WIPI1: variants seen among roughly 807,000 people sequenced by gnomAD.
WIPI1 encodes the protein WD repeat domain phosphoinositide-interacting protein 1.
WIPI1 carries 45 observed loss-of-function variants against 55.3 expected under a neutral mutation model. That is an observed-to-expected ratio of 0.81 (90% CI 0.64 to 1.04). WIPI1 has a LOEUF of 1.04. Among genes scored for constraint, WIPI1 ranks in the 50% least tolerant of loss-of-function variants. The pLI is 0.00. For synonymous variants in WIPI1, 195 were observed against 217.6 expected (o/e 0.90, Z 0.92); for missense variants, 445 against 559.0 (o/e 0.80, Z 2.06).
chr17:68,436,322 C>A, intron 5 of WIPI1, 60 bp downstream of exon 5: 1 of 1,519,162 alleles, frequency 6.6e-7, no homozygotes, highest in Non-Finnish European at 9.1e-7. Flanking sequence ...TATCTATCTC[C>A]TTCCATGACC....
chr17:68,422,153 C>T (rs1270429139), intron 12 of WIPI1: 13 of 238,944 alleles, frequency 5.4e-5, no homozygotes, highest in East Asian at 1.7e-4. Context: ...TTAGGCTGGG[C>T]GCGGTGGCTC....
intron 5 of WIPI1, 34 bp from the exon 6 acceptor site, chr17:68,435,746 T>C (rs781582640): frequency 6.3e-7 from 1 of 1,596,970 alleles, no homozygotes; most frequent in South Asian, 1.1e-5. Flanking sequence ...ATACAGATGC[T>C]GCGGAGGAGG....
chr17:68,447,758 C>T (rs1173851930), intron 3 of WIPI1, among the ~76,000 whole-genome samples: 13 of 152,004 alleles, frequency 8.6e-5, no homozygotes, highest in South Asian at 2.1e-4. Flanking sequence ...TTTGGGAGGC[C>T]GAGGTGGGTG....
At chr17:68,439,204 C>T (rs534497119) in intron 4 of WIPI1, among the ~76,000 whole-genome samples, 2 of 152,208 alleles carry the variant, frequency 1.3e-5, no homozygotes, top group South Asian at 4.1e-4. Flanking sequence ...CAGCATTATT[C>T]ATAAGTCAAA....
intron 6 of WIPI1, among the ~76,000 whole-genome samples, chr17:68,435,284 A>G (rs1309953895): frequency 6.6e-6 from 1 of 152,124 alleles, no homozygotes; most frequent in African/African-American, 2.4e-5. Context: ...CTAAATAGCA[A>G]AGTAAAGCAT....
chr17:68,445,720 A>G (rs904362310), intron 3 of WIPI1, among the ~76,000 whole-genome samples: 2 of 152,246 alleles, frequency 1.3e-5, no homozygotes, highest in African/African-American at 4.8e-5. Context: ...AATATAACGC[A>G]TAGCCCAGTA....
chr17:68,435,522 C>A, intron 6 of WIPI1, 98 bp downstream of exon 6: 1 of 1,171,222 alleles, frequency 8.5e-7, no homozygotes, highest in South Asian at 1.3e-5. Flanking sequence ...AGAGACCAGT[C>A]AGTCTTCATG....
In WIPI1 at chr17:68,436,480, C is replaced by G. The variant is rs1164322224; in HGVS notation, c.431-1G>C. Reference sequence around the variant, plus strand: ...TGGTTGATAGAGAGAGCACATAGACCTGGCAAAGAAGAAACAGAACATGAG... The same window carrying G: ...TGGTTGATAGAGAGAGCACATAGACGTGGCAAAGAAGAAACAGAACATGAG... On this transcript the variant is annotated splice_acceptor_variant, in intron 4 of 12. Transcript: ENST00000262139. LOFTEE classifies it high-confidence loss of function. 2.4e-5 allele frequency: 39 copies of G among 1,613,564 alleles called. No homozygotes were observed. Among genetic ancestry groups the G allele is most frequent in the Non-Finnish European group, 3.1e-5 (37 of 1,179,688 alleles).
At position 68,434,571 on chromosome 17, in the gene WIPI1, C is replaced by T. The variant is rs770558401; in HGVS notation, c.677G>A (p.Arg226Gln). The T allele has an allele frequency of 9.9e-6, 16 of 1,613,834 alleles. No homozygotes were observed. The highest frequency in any genetic ancestry group is 2.2e-5 in the East Asian group (1 of 44,864). The change falls in exon 7 of 13, where the codon CGG becomes CAG. Residue 226 changes from arginine (R) to glutamine (Q), a missense_variant. Physicochemically the swap from Arg to Gln is conservative, Grantham distance 43. Coordinates refer to ENST00000262139, the MANE Select transcript of WIPI1 (RefSeq NM_017983.7). ...GAACACAGACCTTTTCATCCCTCTCCGGAACTCATAGAGCTTTTGCCCATC... is the reference window on the plus strand; with the variant it reads ...GAACACAGACCTTTTCATCCCTCTCTGGAACTCATAGAGCTTTTGCCCATC... ...VPDGQKLYEF[R>Q]RGMKRYVTIS... is the part of the protein sequence containing the mutation.
At chr17:68,452,401 C>A (rs1043000301) in intron 2 of WIPI1, among the ~76,000 whole-genome samples, 1 of 152,152 alleles carries the variant, frequency 6.6e-6, no homozygotes, top group Non-Finnish European at 1.5e-5. Flanking sequence ...CCCGTCTCTA[C>A]TAAAAATACA....
At chr17:68,434,196 T>A (rs2083671755) in intron 7 of WIPI1, among the ~76,000 whole-genome samples, 1 of 152,208 alleles carries the variant, frequency 6.6e-6, no homozygotes, top group East Asian at 1.9e-4. Flanking sequence ...GCTGCAAACC[T>A]ACATCCGATA....
At chr17:68,450,507 C>G (rs141733785) in intron 3 of WIPI1, among the ~76,000 whole-genome samples, 1 of 152,208 alleles carries the variant, frequency 6.6e-6, no homozygotes, top group South Asian at 2.1e-4. Context: ...CAGGGACCAA[C>G]GTTCTGGAAA....
In WIPI1 at chr17:68,457,480, G is replaced by C. The variant is rs1360378002; in HGVS notation, c.-59C>G. 1.5e-6 allele frequency: 2 copies of C among 1,340,552 alleles called. No individual in the cohort carries two copies. The highest frequency in any genetic ancestry group is 3.2e-5 in the African/African-American group (2 of 63,178). The allele number at this position is 1,340,552 out of a possible 1,614,324, so 83.0% of individuals were successfully genotyped here. A position where few individuals can be genotyped will look rare whatever the true frequency, so the allele number is the denominator to read the frequency against. On this transcript the variant is annotated 5_prime_UTR_variant, in exon 1 of 13. Coordinates refer to ENST00000262139, the MANE Select transcript of WIPI1 (RefSeq NM_017983.7). ...CCGGCGACAGCCACCTCAGCAGCCC[G>C]CCCGCGCCGGCTCCACGGGCCGGGT...
intron 1 of WIPI1, among the ~76,000 whole-genome samples, chr17:68,456,155 C>G (rs1775492691): frequency 6.6e-6 from 1 of 152,108 alleles, no homozygotes; most frequent in Admixed American, 6.5e-5. Context: ...GGATTGTGGT[C>G]AAGAAAAACT....
chr17:68,454,742 T>G (rs1187297926), intron 1 of WIPI1, among the ~76,000 whole-genome samples: 3 of 152,206 alleles, frequency 2.0e-5, no homozygotes, highest in African/African-American at 7.2e-5. Context: ...GGCTGCGAAA[T>G]GAGGTTTGTA....
At chr17:68,421,844 C>A (rs556770534) in intron 12 of WIPI1, 24 bp from the exon 13 acceptor site, 20 of 1,613,984 alleles carry the variant, frequency 1.2e-5, no homozygotes, top group Non-Finnish European at 1.6e-5. Context: ...AACAGAATGG[C>A]CTTACTCTTC....
At chr17:68,425,991 A>G in intron 12 of WIPI1, 84 bp downstream of exon 12, 1 of 1,039,464 alleles carries the variant, frequency 9.6e-7, no homozygotes, top group Admixed American at 1.9e-5. Flanking sequence ...AAACAGGGAA[A>G]GGGACTCTGC....
rs1181984378 is a variant in WIPI1 at position 68,437,014 on chromosome 17, A to ATGTGTGTGTGTGTGTGTGTGTG, written c.431-536_431-535insCACACACACACACACACACACA. ...GTCTCAAAAAAAAAAAAATATATAT[A>ATGTGTGTGTGTGTGTGTGTGTG]TATGTGTGTGTGTGTGTGTGTGTAT... On this transcript the variant is annotated intron_variant, in intron 4 of 12. Transcript: ENST00000262139. 8.5e-5 allele frequency among the ~76,000 whole-genome samples: 7 copies of ATGTGTGTGTGTGTGTGTGTGTG among 82,142 alleles called. No individual in the cohort carries two copies. In the East Asian group the frequency reaches 9.8e-4, roughly 11 times the overall value. The allele number at this position is 82,142 out of a possible 152,430, so 53.9% of individuals were successfully genotyped here. A position where few individuals can be genotyped will look rare whatever the true frequency, so the allele number is the denominator to read the frequency against.
chr17:68,449,625 G>C (rs1053030979), intron 3 of WIPI1, among the ~76,000 whole-genome samples: 1 of 152,154 alleles, frequency 6.6e-6, no homozygotes, highest in Admixed American at 6.6e-5. Context: ...CCCCCCACCC[G>C]TCTCTTGGTC....
Sources: allele counts gnomAD v4.1 joint callset (sites outside exome capture counted in the v4.1 genomes callset), GRCh38; gene constraint gnomAD v4.1.1; transcripts MANE v1.5; gene names NCBI Gene and HGNC (gene_info 2026-07-23, HGNC 2026-07-21).